Variants in ARID3B observed in about 807,000 individuals in gnomAD.
The protein encoded by ARID3B is AT-rich interaction domain 3B, also known as AT-rich interactive domain-containing protein 3B.
A neutral mutation model predicts 51.9 loss-of-function variants in ARID3B; 10 were observed. The observed-to-expected ratio is 0.19, with a 90% confidence interval of 0.12 to 0.33. The LOEUF (loss-of-function observed/expected upper bound fraction) is 0.33, where lower values mean the gene tolerates loss of function less well. ARID3B is among the 10% of genes least tolerant of loss of function. The probability of loss-of-function intolerance (pLI) is 1.00; values close to 1 mark genes in which losing one functional copy is unlikely to be tolerated. For missense variants in ARID3B, 483 were observed against 716.3 expected, an observed-to-expected ratio of 0.67 and a Z score of 3.72; for synonymous variants, 205 against 279.5, an observed-to-expected ratio of 0.73 and a Z score of 2.66.
chr15:74,597,370 C>T lies in ARID3B; in HGVS notation c.*1596C>T, dbSNP rs913306619. 10 of 432,692 alleles carry T rather than the reference C, an allele frequency of 2.3e-5. No individual in the cohort carries two copies. Among genetic ancestry groups the T allele is most frequent in the African/African-American group, 1.4e-4 (7 of 50,364 alleles). 26.8% of individuals were successfully genotyped at this position (432,692 alleles called of 1,614,324 possible). On this transcript the variant is annotated 3_prime_UTR_variant, in exon 9 of 9. Transcript: ENST00000346246. ...GGCGTGGGTGTGTGTGGCAGCGTGG[C>T]TCGCATTCAGTCCTGTGTAGGAGAG...
intron 2 of ARID3B, among the ~76,000 whole-genome samples, chr15:74,558,148 CTCTG>C (rs1374435495): frequency 6.9e-6 from 1 of 144,914 alleles, no homozygotes; most frequent in African/African-American, 2.6e-5. Flanking sequence ...CCACTTGGGT[CTCTG>C]TCTGCTCCTT....
intron 2 of ARID3B, among the ~76,000 whole-genome samples, chr15:74,550,542 CA>C (rs370296416): frequency 1.3e-3 from 174 of 137,420 alleles, no homozygotes; most frequent in Non-Finnish European, 1.4e-3. Context: ...ACTAAAAATA[CA>C]AAAAAAAAAA....
chr15:74,556,458 A>G (rs1201758207), intron 2 of ARID3B, among the ~76,000 whole-genome samples: 8 of 152,228 alleles, frequency 5.3e-5, no homozygotes, highest in Admixed American at 1.3e-4. Flanking sequence ...GTGAAATACT[A>G]CGAGAATTAC....
At chr15:74,566,577 C>A (rs193157489) in intron 2 of ARID3B, among the ~76,000 whole-genome samples, 3 of 149,134 alleles carry the variant, frequency 2.0e-5, no homozygotes, top group African/African-American at 7.4e-5. Flanking sequence ...CACTCCAGCC[C>A]GGGTGACAGA....
At chr15:74,571,983 C>T (rs1464629215) in intron 2 of ARID3B, among the ~76,000 whole-genome samples, 4 of 152,094 alleles carry the variant, frequency 2.6e-5, no homozygotes, top group African/African-American at 7.2e-5. Context: ...GTTGCGCACA[C>T]GTGTAATCCC....
intron 2 of ARID3B, among the ~76,000 whole-genome samples, chr15:74,563,669 G>A (rs560825273): frequency 9.1e-4 from 138 of 152,272 alleles, no homozygotes; most frequent in African/African-American, 3.2e-3. Flanking sequence ...CATTGTGGAA[G>A]TTCAGGTGGT....
rs991756518 is a variant in ARID3B at position 74,597,543 on chromosome 15, G to A, written c.*1769G>A. ...CACACACACACATACCCCATCTCCC[G>A]AGGGCTGACCTCCTCTGGCCTCAGC... On this transcript the variant is annotated 3_prime_UTR_variant, in exon 9 of 9. Coordinates refer to ENST00000346246, the MANE Select transcript of ARID3B (RefSeq NM_006465.4). 2.4e-5 allele frequency: 13 copies of A among 535,670 alleles called. No homozygotes were observed. The highest frequency in any genetic ancestry group is 9.3e-5 in the African/African-American group (5 of 53,838). 33.2% of individuals were successfully genotyped at this position (535,670 alleles called of 1,614,324 possible).
At chr15:74,565,643 G>A (rs1286149908) in intron 2 of ARID3B, among the ~76,000 whole-genome samples, 1 of 152,082 alleles carries the variant, frequency 6.6e-6, no homozygotes, top group Non-Finnish European at 1.5e-5. Flanking sequence ...TGCTTTTAAA[G>A]TCAGGCGCTT....
intron 2 of ARID3B, among the ~76,000 whole-genome samples, chr15:74,564,350 TACCAAGATC>T (rs2141458916): frequency 6.6e-6 from 1 of 152,352 alleles, no homozygotes; most frequent in African/African-American, 2.4e-5. Context: ...CTTTTCTTCA[TACCAAGATC>T]TGAGAATTGG....
chr15:74,568,096 G>A (rs918595744), intron 2 of ARID3B, among the ~76,000 whole-genome samples: 1 of 152,184 alleles, frequency 6.6e-6, no homozygotes, highest in Non-Finnish European at 1.5e-5. Flanking sequence ...CTATTTTGGA[G>A]GGAGGGGTAA....
chr15:74,594,964 C>T (rs1346158553), intron 8 of ARID3B, among the ~76,000 whole-genome samples: 1 of 152,208 alleles, frequency 6.6e-6, no homozygotes, highest in Non-Finnish European at 1.5e-5. Context: ...CTTTTGTCCT[C>T]TGTCAAGGAG....
intron 4 of ARID3B, among the ~76,000 whole-genome samples, chr15:74,577,984 A>G (rs1438777962): frequency 6.6e-6 from 1 of 151,940 alleles, no homozygotes; most frequent in African/African-American, 2.4e-5. Context: ...CAGCCTCCCA[A>G]GTAGCTGAGA....
chr15:74,572,336 T>C (rs2061722039), intron 2 of ARID3B, among the ~76,000 whole-genome samples: 1 of 152,210 alleles, frequency 6.6e-6, no homozygotes, highest in African/African-American at 2.4e-5. Context: ...CATATCACCA[T>C]GAGTTCTTGC....
chr15:74,555,513 G>A (rs2061654287), intron 2 of ARID3B, among the ~76,000 whole-genome samples: 1 of 151,966 alleles, frequency 6.6e-6, no homozygotes, highest in South Asian at 2.1e-4. Flanking sequence ...AAAATCTTTT[G>A]TAGAAACAGG....
chr15:74,568,713 C>T (rs2061708810), intron 2 of ARID3B, among the ~76,000 whole-genome samples: 1 of 152,058 alleles, frequency 6.6e-6, no homozygotes, highest in African/African-American at 2.4e-5. Context: ...CTATCAGTTT[C>T]CTGTGAGCTC....
At chr15:74,565,487 G>T (rs1458337997) in intron 2 of ARID3B, among the ~76,000 whole-genome samples, 1 of 152,194 alleles carries the variant, frequency 6.6e-6, no homozygotes, top group Non-Finnish European at 1.5e-5. Flanking sequence ...TCAGCCCCTG[G>T]GCTTTAAACC....
intron 2 of ARID3B, among the ~76,000 whole-genome samples, chr15:74,566,157 T>C (rs2061697314): frequency 6.6e-6 from 1 of 152,190 alleles, no homozygotes; most frequent in African/African-American, 2.4e-5. Context: ...CTTGGGCTAC[T>C]GCACAGCCAC....
At chr15:74,573,233 T>C in intron 4 of ARID3B, 29 bp downstream of exon 4, 2 of 1,603,054 alleles carry the variant, frequency 1.2e-6, no homozygotes, top group African/African-American at 2.7e-5. Flanking sequence ...ATCATTCCAA[T>C]TCAGGGAATA....
In ARID3B at chr15:74,589,737, G is replaced by A. The variant is rs189271259; in HGVS notation, c.698-83G>A. The A allele has an allele frequency of 5.7e-4, 782 of 1,379,622 alleles. 10 individuals are homozygous for A. In the Admixed American group the frequency reaches 0.014, roughly 25 times the overall value. 85.5% of individuals were successfully genotyped at this position (1,379,622 alleles called of 1,614,324 possible). A position where few individuals can be genotyped will look rare whatever the true frequency, so the allele number is the denominator to read the frequency against. On this transcript the variant is annotated intron_variant, in intron 4 of 8. Transcript: ENST00000346246. The stretch of plus-strand genomic sequence containing the variant: ...GGTTGATGAGCATTGTTTCCAGCTC[G>A]GCTAAAGGTGGGCATACACGGAATC...
Sources: allele counts gnomAD v4.1 joint callset (sites outside exome capture counted in the v4.1 genomes callset), GRCh38; gene constraint gnomAD v4.1.1; transcripts MANE v1.5; gene names NCBI Gene and HGNC (gene_info 2026-07-23, HGNC 2026-07-21).